The following TBCA variants were observed in gnomAD, a reference collection of about 807,000 sequenced individuals.
TBCA encodes tubulin folding cofactor A, also known as tubulin-specific chaperone A.
In TBCA, 6 loss-of-function variants were observed where a neutral mutation model predicts 15.8. The observed-to-expected ratio is 0.38, with a 90% CI of 0.21 to 0.75. The LOEUF (loss-of-function observed/expected upper bound fraction) is 0.75, where lower values mean the gene tolerates loss of function less well. TBCA is among the 30% of genes least tolerant of loss of function. TBCA has a pLI of 0.46. For synonymous variants in TBCA, 32 were observed against 42.3 expected, an observed-to-expected ratio of 0.76 and a Z score of 0.94; for missense variants, 90 against 131.2, an observed-to-expected ratio of 0.69 and a Z score of 1.53.
At chr5:77,747,763 G>C (rs1281260230) in intron 1 of TBCA, among the ~76,000 whole-genome samples, 1 of 152,092 alleles carries the variant, frequency 6.6e-6, no homozygotes, top group African/African-American at 2.4e-5. Flanking sequence ...TTTGGCAATA[G>C]TGTTTGAAAC....
chr5:77,753,633 T>C (rs1270229827), intron 1 of TBCA, among the ~76,000 whole-genome samples: 1 of 152,220 alleles, frequency 6.6e-6, no homozygotes, highest in Non-Finnish European at 1.5e-5. Context: ...CATCTTGCTT[T>C]GAGTAACTAT....
intron 1 of TBCA, among the ~76,000 whole-genome samples, chr5:77,751,707 A>C (rs1292363390): frequency 6.6e-6 from 1 of 152,166 alleles, no homozygotes; most frequent in Non-Finnish European, 1.5e-5. Context: ...CCAATTCATC[A>C]AGACAGGGGA....
At chr5:77,695,843 C>A (rs1390392157) in intron 2 of TBCA, among the ~76,000 whole-genome samples, 5 of 152,136 alleles carry the variant, frequency 3.3e-5, no homozygotes, top group African/African-American at 1.2e-4. Flanking sequence ...GGAACAAACA[C>A]AACAGGATGT....
intron 1 of TBCA, among the ~76,000 whole-genome samples, chr5:77,729,750 G>A (rs909572828): frequency 1.3e-5 from 2 of 152,146 alleles, no homozygotes; most frequent in Non-Finnish European, 1.5e-5. Context: ...AAACATTTAC[G>A]CTGTGATTTT....
At chr5:77,756,879 C>G (rs1242163058) in intron 1 of TBCA, among the ~76,000 whole-genome samples, 1 of 150,750 alleles carries the variant, frequency 6.6e-6, no homozygotes, top group African/African-American at 2.4e-5. Flanking sequence ...CAGGTGAATG[C>G]ACCTTTGTTG....
At chr5:77,693,427 TA>T in intron 2 of TBCA, 75 bp from the exon 3 acceptor site, 1 of 1,490,396 alleles carries the variant, frequency 6.7e-7, no homozygotes, top group Non-Finnish European at 9.1e-7. Flanking sequence ...TTGGTAAGTA[TA>T]TCCTTATTAA....
intron 1 of TBCA, among the ~76,000 whole-genome samples, chr5:77,732,353 CTTTT>C (rs1365299309): frequency 6.6e-6 from 1 of 151,710 alleles, no homozygotes. Context: ...TTCATTCTTT[CTTTT>C]TAAGAAACTG....
At chr5:77,733,815 G>T (rs1051000320) in intron 1 of TBCA, among the ~76,000 whole-genome samples, 6 of 152,198 alleles carry the variant, frequency 3.9e-5, no homozygotes, top group African/African-American at 1.4e-4. Context: ...TCTGTTGGAA[G>T]AAAATGTCAT....
At chr5:77,772,528 G>A (rs932926511) in intron 1 of TBCA, among the ~76,000 whole-genome samples, 1 of 151,976 alleles carries the variant, frequency 6.6e-6, no homozygotes, top group African/African-American at 2.4e-5. Flanking sequence ...AAGATGGAAA[G>A]AGTCATAGCA....
intron 1 of TBCA, among the ~76,000 whole-genome samples, chr5:77,716,262 T>C (rs1159290956): frequency 6.6e-6 from 1 of 152,160 alleles, no homozygotes; most frequent in Non-Finnish European, 1.5e-5. Flanking sequence ...AAGCTAAAGA[T>C]TGATAACACT....
At position 77,759,985 on chromosome 5, in the gene TBCA, C is replaced by CAA. The variant is rs1182986317; in HGVS notation, c.53+16219_53+16220insTT. Reference sequence around the variant, plus strand: ...TGAGAAACTAGAACAGAAGCAATGTCAGAGTTTGAGAATAAATGACTGGGA... The same window carrying CAA: ...TGAGAAACTAGAACAGAAGCAATGTCAAAGAGTTTGAGAATAAATGACTGGGA... On this transcript the variant is annotated intron_variant, in intron 1 of 3. Transcript: ENST00000380377. Among the ~76,000 whole-genome samples the CAA allele has an allele frequency of 2.0e-5, 3 of 152,302 alleles. No individual in the cohort carries two copies. The East Asian group carries it at 5.8e-4, about 29-fold the overall frequency.
intron 1 of TBCA, among the ~76,000 whole-genome samples, chr5:77,716,596 T>C (rs1746403879): frequency 1.3e-5 from 2 of 152,196 alleles, no homozygotes; most frequent in South Asian, 4.1e-4. Context: ...ACTAGTATTA[T>C]TCCCATTTTA....
chr5:77,710,177 T>C (rs986824226), intron 1 of TBCA, among the ~76,000 whole-genome samples: 1 of 152,088 alleles, frequency 6.6e-6, no homozygotes, highest in Non-Finnish European at 1.5e-5. Context: ...TATATCTCAA[T>C]AAAGCTGTTG....
chr5:77,753,596 C>T (rs890375979), intron 1 of TBCA, among the ~76,000 whole-genome samples: 9 of 152,170 alleles, frequency 5.9e-5, no homozygotes, highest in African/African-American at 2.2e-4. Flanking sequence ...CAAAATGAGA[C>T]AGATTACAGA....
chr5:77,726,351 C>T (rs1348739064), intron 1 of TBCA, among the ~76,000 whole-genome samples: 2 of 152,148 alleles, frequency 1.3e-5, no homozygotes, highest in Non-Finnish European at 2.9e-5. Context: ...GGCCACTGTT[C>T]GTTGAATTCT....
intron 1 of TBCA, among the ~76,000 whole-genome samples, chr5:77,736,434 CT>C (rs1437648740): frequency 6.6e-6 from 1 of 152,060 alleles, no homozygotes; most frequent in Non-Finnish European, 1.5e-5. Context: ...CAAATTGTCC[CT>C]GGAATTCCCT....
At chr5:77,712,644 AAAG>A (rs1182459760) in intron 1 of TBCA, among the ~76,000 whole-genome samples, 1 of 152,140 alleles carries the variant, frequency 6.6e-6, no homozygotes, top group African/African-American at 2.4e-5. Context: ...TTTGAAACCC[AAAG>A]AAGTTTTAAA....
chr5:77,761,225 T>C (rs1477494772), intron 1 of TBCA, among the ~76,000 whole-genome samples: 1 of 151,540 alleles, frequency 6.6e-6, no homozygotes, highest in African/African-American at 2.4e-5. Context: ...GAAAGAGAGA[T>C]CAGATTGTTA....
chr5:77,765,469 T>C (rs1467370996), intron 1 of TBCA, among the ~76,000 whole-genome samples: 3 of 152,170 alleles, frequency 2.0e-5, no homozygotes, highest in African/African-American at 4.8e-5. Context: ...ACATTGGACA[T>C]AGCCAGGAAA....
Sources: allele counts gnomAD v4.1 joint callset (sites outside exome capture counted in the v4.1 genomes callset), GRCh38; gene constraint gnomAD v4.1.1; transcripts MANE v1.5; gene names NCBI Gene and HGNC (gene_info 2026-07-23, HGNC 2026-07-21).